The following SDK1 variants were observed in gnomAD, a reference collection of about 807,000 sequenced individuals.
The protein encoded by SDK1 is sidekick cell adhesion molecule 1.
A neutral mutation model predicts 245.5 loss-of-function variants in SDK1; 157 were observed. The ratio of observed to expected loss-of-function variants is 0.64; its 90% CI spans 0.56 to 0.73. The LOEUF is 0.73. Ranked by LOEUF, SDK1 falls within the 30% of genes least tolerant of loss-of-function variation. The pLI is 0.00. For missense variants in SDK1, 3,583 were observed against 3,002.3 expected, an observed-to-expected ratio of 1.19 and a Z score of -4.52; for synonymous variants, 1,647 against 1,278.5, an observed-to-expected ratio of 1.29 and a Z score of -6.15.
At chr7:3,470,465 T>C (rs972257273) in intron 1 of SDK1, among the ~76,000 whole-genome samples, 1 of 152,200 alleles carries the variant, frequency 6.6e-6, no homozygotes, top group African/African-American at 2.4e-5. Flanking sequence ...TTTTGACCTT[T>C]TAAAGAGTTA....
At chr7:3,892,149 A>G (rs1201794360) in intron 5 of SDK1, among the ~76,000 whole-genome samples, 4 of 152,178 alleles carry the variant, frequency 2.6e-5, no homozygotes, top group African/African-American at 7.2e-5. Context: ...CCCAAAACCA[A>G]TGACCCATAT....
At chr7:3,780,808 G>A (rs1289521076) in intron 4 of SDK1, among the ~76,000 whole-genome samples, 1 of 151,978 alleles carries the variant, frequency 6.6e-6, no homozygotes, top group Non-Finnish European at 1.5e-5. Context: ...AGAAAGTCAA[G>A]CAGCAGCACT....
chr7:3,968,244 G>C (rs570890241), intron 10 of SDK1, among the ~76,000 whole-genome samples: 5 of 152,330 alleles, frequency 3.3e-5, no homozygotes, highest in Admixed American at 1.3e-4. Flanking sequence ...CCCACTGTGG[G>C]TTCAGTTCCT....
intron 1 of SDK1, among the ~76,000 whole-genome samples, chr7:3,518,004 G>T (rs1398209552): frequency 1.3e-5 from 2 of 152,074 alleles, no homozygotes; most frequent in Admixed American, 1.3e-4. Context: ...CTTACCAGAA[G>T]TACTTAAAGA....
At chr7:4,209,817 A>G (rs77964878) in intron 37 of SDK1, among the ~76,000 whole-genome samples, 2,559 of 151,414 alleles carry the variant, frequency 0.017, 77 homozygotes, top group African/African-American at 0.059. Flanking sequence ...CATTTTCTCC[A>G]CTCTTCTCAG....
intron 1 of SDK1, among the ~76,000 whole-genome samples, chr7:3,370,617 G>A (rs1326997851): frequency 1.3e-5 from 2 of 152,188 alleles, no homozygotes; most frequent in Admixed American, 6.5e-5. Context: ...TCCAGCAGTT[G>A]TGCTATAAAG....
intron 1 of SDK1, among the ~76,000 whole-genome samples, chr7:3,544,050 A>T (rs995799838): frequency 1.3e-5 from 2 of 152,148 alleles, no homozygotes; most frequent in African/African-American, 4.8e-5. Context: ...TTTATATTTG[A>T]TTATTTTCCT....
In SDK1 at chr7:3,538,812, G is replaced by C. The variant is rs143702198; in HGVS notation, c.299-80268G>C. Among the ~76,000 whole-genome samples, 121 of 152,310 alleles carry C rather than the reference G, an allele frequency of 7.9e-4. 2 individuals carry two copies. Among genetic ancestry groups the C allele is most frequent in the African/African-American group, 2.8e-3 (118 of 41,558 alleles). ...AGATCAAGAGGAAGTCACTCTGGTGGCTGGATGACATTTTAAGTAATAGAA... is the reference window on the plus strand; with the variant it reads ...AGATCAAGAGGAAGTCACTCTGGTGCCTGGATGACATTTTAAGTAATAGAA... On this transcript the variant is annotated intron_variant, in intron 1 of 44. Transcript: ENST00000404826.
intron 4 of SDK1, among the ~76,000 whole-genome samples, chr7:3,647,638 C>T (rs1025374431): frequency 4.6e-5 from 7 of 152,064 alleles, no homozygotes; most frequent in Admixed American, 1.3e-4. Context: ...CCATGTTGCC[C>T]AGGCTGGTCT....
At chr7:3,755,688 C>T (rs760151811) in intron 4 of SDK1, among the ~76,000 whole-genome samples, 5 of 152,138 alleles carry the variant, frequency 3.3e-5, no homozygotes, top group African/African-American at 1.2e-4. Context: ...ACCCCTCACC[C>T]CAAACAAACG....
Position 3,320,633 on chromosome 7 carries a change from T to C in SDK1, c.298+18749T>C, listed in dbSNP as rs991426048. On this transcript the variant is annotated intron_variant, in intron 1 of 44. Coordinates refer to ENST00000404826, the MANE Select transcript of SDK1 (RefSeq NM_152744.4). ...TCTTTCTAGATTTTAGCCAAAGATC[T>C]TGTATATTTTAAGCAGTTGCCCTGT... 2.0e-5 allele frequency among the ~76,000 whole-genome samples: 3 copies of C among 152,184 alleles called. No homozygotes were observed. The South Asian group carries it at 6.2e-4, about 32-fold the overall frequency.
intron 4 of SDK1, among the ~76,000 whole-genome samples, chr7:3,710,828 A>G (rs1785028377): frequency 6.6e-6 from 1 of 152,196 alleles, no homozygotes; most frequent in African/African-American, 2.4e-5. Flanking sequence ...GATTGTTCCT[A>G]TCTTCAGATT....
At chr7:3,945,715 TG>T (rs1288898066) in intron 5 of SDK1, among the ~76,000 whole-genome samples, 1 of 151,576 alleles carries the variant, frequency 6.6e-6, no homozygotes, top group Non-Finnish European at 1.5e-5. Flanking sequence ...CTGGCTAACA[TG>T]GTGAAACCCT....
chr7:4,266,369 A>G lies in SDK1; in HGVS notation c.*985A>G. ...TTTGTACATGGGAAAGATGAAAAGC[A>G]ACAGTGTCTGCAAATAAAGCAAAAC... On this transcript the variant is annotated 3_prime_UTR_variant, in exon 45 of 45. Transcript: ENST00000404826. 1 of 985,438 alleles carries G rather than the reference A, an allele frequency of 1.0e-6. No homozygotes were observed. The highest frequency in any genetic ancestry group is 1.2e-6 in the Non-Finnish European group (1 of 829,940). 61.0% of individuals were successfully genotyped at this position (985,438 alleles called of 1,614,324 possible).
At position 4,018,589 on chromosome 7, in the gene SDK1, G is replaced by T. The variant is rs78200488; in HGVS notation, c.2602+1237G>T. ...ATTTAATAAATTAACAATAAACTTA[G>T]AAACACTTAAAAAGACTCATATTGC... On this transcript the variant is annotated intron_variant, in intron 17 of 44. Transcript: ENST00000404826. Among the ~76,000 whole-genome samples, 755 of 152,300 alleles carry T rather than the reference G, an allele frequency of 5.0e-3. 2 individuals carry two copies. The highest frequency in any genetic ancestry group is 0.018 in the African/African-American group (739 of 41,582).
At chr7:3,621,547 A>G (rs1049313863) in intron 2 of SDK1, among the ~76,000 whole-genome samples, 3 of 152,198 alleles carry the variant, frequency 2.0e-5, no homozygotes, top group Non-Finnish European at 4.4e-5. Flanking sequence ...CACGCCTTGG[A>G]TGGCGGGAAA....
chr7:4,235,813 G>T (rs548183197), intron 41 of SDK1, among the ~76,000 whole-genome samples: 1 of 152,344 alleles, frequency 6.6e-6, no homozygotes, highest in East Asian at 1.9e-4. Flanking sequence ...AGGGAAGCCA[G>T]CAACCATCAC....
chr7:3,372,449 C>G (rs932468082), intron 1 of SDK1, among the ~76,000 whole-genome samples: 3 of 152,132 alleles, frequency 2.0e-5, no homozygotes, highest in Non-Finnish European at 4.4e-5. Context: ...ATAAATTGAA[C>G]TTAATCAAAA....
chr7:4,003,168 TACAC>T (rs1785201429), intron 14 of SDK1, among the ~76,000 whole-genome samples: 1 of 152,240 alleles, frequency 6.6e-6, no homozygotes, highest in Non-Finnish European at 1.5e-5. Context: ...TGTGGACACA[TACAC>T]ACAGATCTGC....
Sources: allele counts gnomAD v4.1 joint callset (sites outside exome capture counted in the v4.1 genomes callset), GRCh38; gene constraint gnomAD v4.1.1; transcripts MANE v1.5; gene names NCBI Gene and HGNC (gene_info 2026-07-23, HGNC 2026-07-21).